TMEFF2: variants seen among roughly 807,000 people sequenced by gnomAD.
TMEFF2 encodes transmembrane protein with EGF like and two follistatin like domains 2.
A neutral mutation model predicts 53.8 loss-of-function variants in TMEFF2; 28 were observed. The observed-to-expected ratio is 0.52, with a 90% confidence interval of 0.39 to 0.71. The LOEUF (loss-of-function observed/expected upper bound fraction) is 0.71. Ranked by LOEUF, TMEFF2 falls within the 30% of genes least tolerant of loss-of-function variation. The pLI, the probability that TMEFF2 is intolerant of heterozygous loss-of-function variation, is 0.00. For missense variants in TMEFF2, 353 were observed against 455.2 expected, an observed-to-expected ratio of 0.78 and a Z score of 2.04; for synonymous variants, 162 against 166.3, an observed-to-expected ratio of 0.97 and a Z score of 0.20.
intron 4 of TMEFF2, among the ~76,000 whole-genome samples, chr2:192,158,227 G>T (rs986735553): frequency 6.6e-6 from 1 of 152,008 alleles, no homozygotes; most frequent in Non-Finnish European, 1.5e-5. Flanking sequence ...AAAAATCTAT[G>T]GAATGATGGT....
chr2:192,148,798 TTTAC>T (rs1690315039), intron 4 of TMEFF2, among the ~76,000 whole-genome samples: 1 of 152,082 alleles, frequency 6.6e-6, no homozygotes, highest in Non-Finnish European at 1.5e-5. Context: ...CTAGACTTTA[TTTAC>T]GATTCATTTT....
intron 7 of TMEFF2, among the ~76,000 whole-genome samples, chr2:191,967,970 A>C (rs1297858715): frequency 1.3e-5 from 2 of 151,846 alleles, no homozygotes; most frequent in African/African-American, 4.8e-5. Flanking sequence ...AGAACACTCC[A>C]CTCCATGTAT....
intron 5 of TMEFF2, among the ~76,000 whole-genome samples, chr2:192,042,939 T>A (rs758155498): frequency 2.6e-5 from 4 of 152,194 alleles, no homozygotes; most frequent in Non-Finnish European, 5.9e-5. Context: ...CACAACATCC[T>A]TGAAGAGCTC....
intron 7 of TMEFF2, among the ~76,000 whole-genome samples, chr2:191,988,983 T>C (rs888964157): frequency 6.6e-6 from 1 of 152,220 alleles, no homozygotes; most frequent in Non-Finnish European, 1.5e-5. Flanking sequence ...GCATAAATGC[T>C]GATCTACCAT....
chr2:192,053,908 A>G lies in TMEFF2; in HGVS notation c.536+3771T>C, dbSNP rs573246167. Among the ~76,000 whole-genome samples, 344 of 152,274 alleles carry G rather than the reference A, an allele frequency of 2.3e-3. 4 individuals carry two copies. The highest frequency in any genetic ancestry group is 7.7e-3 in the African/African-American group (322 of 41,552). The stretch of plus-strand genomic sequence containing the variant: ...CCATGACTAAATACAATATGTTAAC[A>G]TACAAAGGTACGTTAACATACAAGG... On this transcript the variant is annotated intron_variant, in intron 5 of 9. Coordinates refer to ENST00000272771, the MANE Select transcript of TMEFF2 (RefSeq NM_016192.4).
chr2:192,049,102 T>G (rs1030970914), intron 5 of TMEFF2, among the ~76,000 whole-genome samples: 1 of 152,182 alleles, frequency 6.6e-6, no homozygotes, highest in Non-Finnish European at 1.5e-5. Flanking sequence ...GTTTTCCCAT[T>G]AAAACATGTA....
chr2:192,173,482 T>C (rs549322088), intron 4 of TMEFF2, among the ~76,000 whole-genome samples: 2 of 151,816 alleles, frequency 1.3e-5, no homozygotes, highest in East Asian at 3.9e-4. Context: ...TAAGAAAAAT[T>C]TTGCAATGCT....
chr2:192,033,543 A>C (rs1253204380), intron 5 of TMEFF2, among the ~76,000 whole-genome samples: 2 of 134,290 alleles, frequency 1.5e-5, no homozygotes, highest in African/African-American at 2.7e-5. Context: ...TTTTTTTTAC[A>C]CAAAACCTGT....
At chr2:192,177,623 C>T (rs545247581) in intron 4 of TMEFF2, 2 of 150,568 alleles carry the variant, frequency 1.3e-5, no homozygotes, top group Admixed American at 6.6e-5. Flanking sequence ...AAGCAAACAT[C>T]GGAAGTTGTT....
intron 4 of TMEFF2, among the ~76,000 whole-genome samples, chr2:192,151,485 A>G (rs1690386923): frequency 6.6e-6 from 1 of 151,858 alleles, no homozygotes; most frequent in Non-Finnish European, 1.5e-5. Flanking sequence ...TGAATCTAAG[A>G]GCAACTATGT....
intron 5 of TMEFF2, among the ~76,000 whole-genome samples, chr2:192,038,913 T>C (rs1321472038): frequency 6.6e-6 from 1 of 152,160 alleles, no homozygotes; most frequent in Non-Finnish European, 1.5e-5. Flanking sequence ...ATATCAACCC[T>C]TCTAGCCAAT....
At chr2:192,075,336 T>TATATATATAC (rs1688407952) in intron 4 of TMEFF2, among the ~76,000 whole-genome samples, 1 of 124,394 alleles carries the variant, frequency 8.0e-6, no homozygotes, top group African/African-American at 3.3e-5. Flanking sequence ...TATATATACA[T>TATATATATAC]ACATACTATG....
intron 4 of TMEFF2, among the ~76,000 whole-genome samples, chr2:192,122,977 C>T (rs957003444): frequency 3.9e-5 from 6 of 152,246 alleles, no homozygotes; most frequent in South Asian, 4.1e-4. Context: ...TGGCTCTGAG[C>T]TCTATAGCAG....
intron 4 of TMEFF2, among the ~76,000 whole-genome samples, chr2:192,104,321 G>C (rs549598183): frequency 6.6e-6 from 1 of 152,122 alleles, no homozygotes; most frequent in East Asian, 1.9e-4. Flanking sequence ...GAATATGGTG[G>C]GTGAAATTTT....
At chr2:192,048,735 C>A (rs907546740) in intron 5 of TMEFF2, among the ~76,000 whole-genome samples, 4 of 152,134 alleles carry the variant, frequency 2.6e-5, no homozygotes, top group Non-Finnish European at 5.9e-5. Context: ...TCTATTCTTA[C>A]AGCAGAAATA....
At chr2:192,031,334 C>A (rs1428309124) in intron 5 of TMEFF2, 7 of 152,120 alleles carry the variant, frequency 4.6e-5, no homozygotes, top group Admixed American at 4.6e-4. Context: ...CTTTGTAGCT[C>A]CAGTGCCTGG....
chr2:192,160,368 A>G (rs1345049830), intron 4 of TMEFF2, among the ~76,000 whole-genome samples: 1 of 152,194 alleles, frequency 6.6e-6, no homozygotes, highest in East Asian at 1.9e-4. Flanking sequence ...GATGTTTAAG[A>G]TACCATATTT....
chr2:192,045,529 G>A (rs1333334818), intron 5 of TMEFF2, among the ~76,000 whole-genome samples: 2 of 152,180 alleles, frequency 1.3e-5, no homozygotes, highest in African/African-American at 2.4e-5. Flanking sequence ...AAAGTGGATA[G>A]AATAGCCCAT....
At chr2:192,018,815 TCCA>T (rs35302574) in intron 5 of TMEFF2, among the ~76,000 whole-genome samples, 45,923 of 151,956 alleles carry the variant, frequency 0.3, 7,286 homozygotes, top group Non-Finnish European at 0.37. Flanking sequence ...CAATTTTTTG[TCCA>T]CTTGTATTTT....
Sources: gnomAD v4.1 joint callset for allele counts (sites outside exome capture counted in the v4.1 genomes callset) on GRCh38, gnomAD v4.1.1 for gene constraint, MANE v1.5 for transcripts, NCBI Gene and HGNC (gene_info 2026-07-23, HGNC 2026-07-21) for gene names.